Variants in HDGF observed in about 807,000 individuals in gnomAD.
The protein encoded by HDGF is hepatoma-derived growth factor.
HDGF carries 5 observed loss-of-function variants against 30.0 expected under a neutral mutation model. The ratio of observed to expected loss-of-function variants is 0.17; its 90% CI spans 0.09 to 0.35. The LOEUF (loss-of-function observed/expected upper bound fraction) is 0.35, where lower values mean the gene tolerates loss of function less well. Ranked by LOEUF, HDGF falls within the 10% of genes least tolerant of loss-of-function variation. The pLI, the probability that HDGF is intolerant of heterozygous loss-of-function variation, is 1.00. For missense variants in HDGF, 214 were observed against 302.8 expected (o/e 0.71, Z 2.18); for synonymous variants, 133 against 112.7 (o/e 1.18, Z -1.14).
At chr1:156,759,441 TC>T (rs1225791429) in intron 1 of HDGF, among the ~76,000 whole-genome samples, 1 of 151,766 alleles carries the variant, frequency 6.6e-6, no homozygotes, top group African/African-American at 2.4e-5. Flanking sequence ...ATTTTGAGAC[TC>T]CATATTTGTA....
In HDGF at chr1:156,744,291, C is replaced by A. The variant is rs758392974; in HGVS notation, c.361G>T (p.Gly121Cys). The A allele has an allele frequency of 6.2e-7, 1 of 1,614,078 alleles. No homozygotes were observed. The highest frequency in any genetic ancestry group is 1.3e-5 in the African/African-American group (1 of 74,926). ...EPEPEPEAAE[G>C]DGDKKGNAEG... ...GCATTCCCCTTCTTATCACCGTCAC[C>A]CTCTGCAGCTTCGGGCTCTGGTTCA... The change falls in exon 4 of 6, where the codon GGT becomes TGT. Residue 121 changes from glycine to cysteine, a missense_variant. Gly to Cys is a radical substitution (Grantham distance 159). Around this residue, in one of 2 missense-constraint regions of HDGF, gnomAD observed 176 missense variants for 211.7 expected, o/e 0.83. Transcript: ENST00000357325.
At chr1:156,758,604 T>TAAATAAATAA (rs55869767) in intron 2 of HDGF, among the ~76,000 whole-genome samples, 66,210 of 96,194 alleles carry the variant, frequency 0.69, 22,411 homozygotes, top group East Asian at 0.84. Flanking sequence ...AAAAAAAAAA[T>TAAATAAATAA]AAATAAATAA....
Position 156,745,389 on chromosome 1 carries a change from G to T in HDGF, c.88-16C>A, listed in dbSNP as rs752510290. Reference sequence around the variant, plus strand: ...TCTCGTCAATCTGGGGTGAGATGAGGGGGTGAGGTTAGCTAGAGTCCTGAG... The same window carrying T: ...TCTCGTCAATCTGGGGTGAGATGAGTGGGTGAGGTTAGCTAGAGTCCTGAG... On this transcript the variant is annotated splice_polypyrimidine_tract_variant and intron_variant, in intron 1 of 5. Transcript: ENST00000357325. 3 of 1,610,994 alleles carry T rather than the reference G, an allele frequency of 1.9e-6. No individual in the cohort carries two copies. The South Asian group carries it at 3.3e-5, about 18-fold the overall frequency.
rs1650189788 is a variant in HDGF, at chr1:156,742,462, A to G, written c.*987T>C. 6.5e-6 allele frequency: 1 copy of G among 152,674 alleles called. No individual in the cohort carries two copies. The highest frequency in any genetic ancestry group is 2.1e-4 in the South Asian group (1 of 4,826). The allele number at this position is 152,674 out of a possible 1,614,324, so 9.5% of individuals were successfully genotyped here. On this transcript the variant is annotated 3_prime_UTR_variant, in exon 6 of 6. Transcript: ENST00000357325. ...GGGGAGCCTCCCAGTGCACCTCAGA[A>G]ATGGGGGCAACGATGGGGAAGGAGC...
chr1:156,747,022 C>T (rs1650600082), intron 1 of HDGF, among the ~76,000 whole-genome samples: 1 of 151,950 alleles, frequency 6.6e-6, no homozygotes, highest in Non-Finnish European at 1.5e-5. Context: ...GGGCACCTCC[C>T]CGCTTGCCCC....
upstream of HDGF, chr1:156,752,315 G>A: frequency 1.9e-6 from 3 of 1,551,458 alleles, no homozygotes; most frequent in Non-Finnish European, 2.6e-6. Flanking sequence ...TTGGTAGCCA[G>A]GAGATGGCCA....
At chr1:156,763,056 ATGT>A (rs1463064855) in intron 1 of HDGF, among the ~76,000 whole-genome samples, 3 of 151,996 alleles carry the variant, frequency 2.0e-5, no homozygotes, top group Non-Finnish European at 4.4e-5. Context: ...ACCTTCCAAA[ATGT>A]TGTTACTGTG....
chr1:156,756,007 T>C (rs1327411080), upstream of HDGF, among the ~76,000 whole-genome samples: 1 of 152,228 alleles, frequency 6.6e-6, no homozygotes, highest in African/African-American at 2.4e-5. Context: ...TCCCAGCTTT[T>C]TGGGAGGCCA....
chr1:156,756,359 G>A (rs1304659286), upstream of HDGF, among the ~76,000 whole-genome samples: 1 of 152,048 alleles, frequency 6.6e-6, no homozygotes, highest in Non-Finnish European at 1.5e-5. Context: ...TAGATTTTGT[G>A]TAATATTTGG....
At chr1:156,750,107 G>A (rs1221678845) in intron 1 of HDGF, among the ~76,000 whole-genome samples, 2 of 152,190 alleles carry the variant, frequency 1.3e-5, no homozygotes, top group East Asian at 1.9e-4. Flanking sequence ...GAGCGAGGAA[G>A]GGTCTCTGAG....
chr1:156,758,414 A>G, intron 2 of HDGF, among the ~76,000 whole-genome samples: 1 of 151,444 alleles, frequency 6.6e-6, no homozygotes, highest in Non-Finnish European at 1.5e-5. Context: ...ACACGGTGAA[A>G]CTCCATCTGT....
At position 156,742,166 on chromosome 1, in the gene HDGF, A is replaced by G. The variant is rs974497936; in HGVS notation, c.*1283T>C. ...GAAATCATCTACGGTTCTCAGAGCT[A>G]AACTTCCAAAGCTACAGTCAGCAAT... is the stretch of plus-strand genomic sequence containing the variant. On this transcript the variant is annotated 3_prime_UTR_variant, in exon 6 of 6. Transcript: ENST00000357325. 2 of 152,712 alleles carry G rather than the reference A, an allele frequency of 1.3e-5. No homozygotes were observed. Among genetic ancestry groups the G allele is most frequent in the African/African-American group, 4.8e-5 (2 of 41,444 alleles). The allele number at this position is 152,712 out of a possible 1,614,324, so 9.5% of individuals were successfully genotyped here. A position where few individuals can be genotyped will look rare whatever the true frequency, so the allele number is the denominator to read the frequency against.
chr1:156,757,461 G>A (rs12039810), intron 2 of HDGF, among the ~76,000 whole-genome samples: 38,321 of 146,126 alleles, frequency 0.26, 5,831 homozygotes, highest in Non-Finnish European at 0.35. Flanking sequence ...GCAAGACTCC[G>A]TCTCAAAAAA....
upstream of HDGF, chr1:156,751,954 T>A: frequency 5.4e-6 from 7 of 1,295,344 alleles, no homozygotes; most frequent in Non-Finnish European, 7.4e-6. The surrounding 1 kb of genome is among the most constrained non-coding windows in gnomAD (Gnocchi z 4.7). Flanking sequence ...CCGCGGTCGG[T>A]GGGTGCCCGC....
At chr1:156,761,748 C>T (rs1465235867) in intron 1 of HDGF, among the ~76,000 whole-genome samples, 1 of 150,576 alleles carries the variant, frequency 6.6e-6, no homozygotes, top group Non-Finnish European at 1.5e-5. Flanking sequence ...GAGATCGAGA[C>T]CATCCTGGCC....
At chr1:156,766,694 A>T (rs1172774360) in intron 1 of HDGF, 1 of 152,400 alleles carries the variant, frequency 6.6e-6, no homozygotes, top group Non-Finnish European at 1.5e-5. Context: ...GCAAATGGAT[A>T]GGTGGGAGGC....
intron 1 of HDGF, among the ~76,000 whole-genome samples, chr1:156,759,917 A>G (rs1055787082): frequency 2.0e-5 from 3 of 152,226 alleles, no homozygotes; most frequent in African/African-American, 7.2e-5. Context: ...GTTCCTTTTG[A>G]TAACACAAAT....
chr1:156,751,913 TCGCCGAGCA>T (rs1409360815), upstream of HDGF: 8 of 1,038,804 alleles, frequency 7.7e-6, no homozygotes, highest in East Asian at 2.8e-5. This position sits in a 1 kb window ranked among gnomAD's most constrained non-coding sequence, Gnocchi z 4.7. Context: ...AAGGAGCCGA[TCGCCGAGCA>T]CGCCGAGCAG....
chr1:156,760,943 C>T (rs931018043), intron 1 of HDGF, among the ~76,000 whole-genome samples: 1 of 151,776 alleles, frequency 6.6e-6, no homozygotes, highest in African/African-American at 2.4e-5. Flanking sequence ...CCTGTAATCT[C>T]AGCACTTTGA....
Sources: gnomAD v4.1 joint callset for allele counts (sites outside exome capture counted in the v4.1 genomes callset) on GRCh38, gnomAD v4.1.1 for gene constraint, gnomAD v4.1.1 regional missense constraint, Gnocchi (gnomAD v3.1) non-coding constraint, MANE v1.5 for transcripts, NCBI Gene and HGNC (gene_info 2026-07-23, HGNC 2026-07-21) for gene names.